MRE11: variants seen among roughly 807,000 people sequenced by gnomAD.
The protein encoded by MRE11 is double-strand break repair protein MRE11.
A neutral mutation model predicts 91.7 loss-of-function variants in MRE11; 62 were observed. The ratio of observed to expected loss-of-function variants is 0.68; its 90% confidence interval spans 0.55 to 0.84. The LOEUF (loss-of-function observed/expected upper bound fraction) is 0.84. MRE11 is among the 40% of genes least tolerant of loss of function. The pLI is 0.00. For missense variants in MRE11, 796 were observed against 852.9 expected, an observed-to-expected ratio of 0.93 and a Z score of 0.83; for synonymous variants, 273 against 271.4, an observed-to-expected ratio of 1.01 and a Z score of -0.06.
chr11:94,470,554 T>C lies in MRE11; in HGVS notation c.934A>G (p.Ile312Val), dbSNP rs1591692697. The change falls in exon 9 of 20, where the codon ATT becomes GTT. Residue 312 changes from isoleucine (I) to valine (V), a missense_variant. Physicochemically the swap from Ile to Val is conservative, Grantham distance 29. Coordinates refer to ENST00000323929, the MANE Select transcript of MRE11 (RefSeq NM_005591.4). ...HTVRQFFMED[I>V]VLANHPDIFN... ...ATGTCTGGATGATTAGCTAGAACAATATCCTCCATGAAAAACTGCCGCACT... is the reference window on the plus strand; with the variant it reads ...ATGTCTGGATGATTAGCTAGAACAACATCCTCCATGAAAAACTGCCGCACT... The C allele has an allele frequency of 6.2e-7, 1 of 1,613,192 alleles. No homozygotes were observed. Among genetic ancestry groups the C allele is most frequent in the Non-Finnish European group, 8.5e-7 (1 of 1,179,314 alleles).
At chr11:94,432,564 T>C (rs541744136) in intron 18 of MRE11, among the ~76,000 whole-genome samples, 2 of 152,108 alleles carry the variant, frequency 1.3e-5, no homozygotes, top group African/African-American at 2.4e-5. Flanking sequence ...ATCCCAGCAC[T>C]TGGGAGGCCG....
intron 18 of MRE11, among the ~76,000 whole-genome samples, chr11:94,434,083 T>A (rs1462351353): frequency 1.3e-5 from 2 of 152,196 alleles, no homozygotes; most frequent in African/African-American, 2.4e-5. Flanking sequence ...TACTGGCACG[T>A]CCCTTAGGTT....
At chr11:94,498,606 T>C (rs1292964763), upstream of MRE11, 18 of 1,304,214 alleles carry the variant, frequency 1.4e-5, no homozygotes, top group Admixed American at 2.3e-5. Flanking sequence ...ATAATCAAAG[T>C]TGACGTCAAA....
intron 16 of MRE11, among the ~76,000 whole-genome samples, chr11:94,439,446 T>C (rs905372211): frequency 6.6e-6 from 1 of 152,202 alleles, no homozygotes; most frequent in Admixed American, 6.5e-5. Context: ...AGACCAATGA[T>C]TCACATAATA....
At chr11:94,504,972 T>C in the MRE11 span, among the ~76,000 whole-genome samples, 1 of 152,174 alleles carries the variant, frequency 6.6e-6, no homozygotes. Flanking sequence ...AAGATTATAA[T>C]GGAGCTAAAA....
In MRE11 at chr11:94,420,091, G is replaced by C; in HGVS notation, c.*34C>G. On this transcript the variant is annotated 3_prime_UTR_variant, in exon 20 of 20. Coordinates refer to ENST00000323929, the MANE Select transcript of MRE11 (RefSeq NM_005591.4). ...AGCTTGTAACATTTTCATTTTTCCT[G>C]TATCTTGCATGTTTCTCAGTGCCAT... 1 of 1,488,466 alleles carries C rather than the reference G, an allele frequency of 6.7e-7. No individual in the cohort carries two copies. Among genetic ancestry groups the C allele is most frequent in the Non-Finnish European group, 9.3e-7 (1 of 1,072,454 alleles). 92.2% of individuals were successfully genotyped at this position (1,488,466 alleles called of 1,614,324 possible). A position where few individuals can be genotyped will look rare whatever the true frequency, so the allele number is the denominator to read the frequency against.
At position 94,479,764 on chromosome 11, in the gene MRE11, T is replaced by A. The variant is rs1565234627; in HGVS notation, c.315-3A>T. The A allele has an allele frequency of 7.7e-7, 1 of 1,304,452 alleles. No homozygotes were observed. The highest frequency in any genetic ancestry group is 1.1e-6 in the Non-Finnish European group (1 of 949,178). 80.8% of individuals were successfully genotyped at this position (1,304,452 alleles called of 1,614,324 possible). On this transcript the variant is annotated splice_polypyrimidine_tract_variant and splice_region_variant and intron_variant, in intron 4 of 19. Coordinates refer to ENST00000323929, the MANE Select transcript of MRE11 (RefSeq NM_005591.4). Reference sequence around the variant, plus strand: ...CTTGATAGTTCACCCATGGAAACCTTAAAAAAAAAAAGTTACTTAAAATTT... The same window carrying A: ...CTTGATAGTTCACCCATGGAAACCTAAAAAAAAAAAAGTTACTTAAAATTT...
intron 4 of MRE11, among the ~76,000 whole-genome samples, chr11:94,482,902 C>T (rs1324902462): frequency 6.6e-6 from 1 of 152,098 alleles, no homozygotes; most frequent in South Asian, 2.1e-4. Context: ...CGTGCCTCTG[C>T]ACTCCAGCTT....
At position 94,443,470 on chromosome 11, in the gene MRE11, T is replaced by C. The variant is rs555330770; in HGVS notation, c.1867+2340A>G. 3.5e-4 allele frequency among the ~76,000 whole-genome samples: 54 copies of C among 152,328 alleles called. No individual in the cohort carries two copies. In the South Asian group the frequency reaches 0.011, roughly 32 times the overall value. ...GCAGTTTCATAAATATTAGCTATTA[T>C]TGCTACTATTAGTGGTTTTATCAAC... On this transcript the variant is annotated intron_variant, in intron 16 of 19. Coordinates refer to ENST00000323929, the MANE Select transcript of MRE11 (RefSeq NM_005591.4).
At chr11:94,463,849 G>A (rs1159439548) in intron 11 of MRE11, among the ~76,000 whole-genome samples, 1 of 152,042 alleles carries the variant, frequency 6.6e-6, no homozygotes, top group Non-Finnish European at 1.5e-5. Flanking sequence ...GTTAATGGGT[G>A]CAGCACACCA....
rs201800515 is a variant in MRE11, at chr11:94,419,465, G to GGA, written c.*658_*659dup. On this transcript the variant is annotated 3_prime_UTR_variant, in exon 20 of 20. Transcript: ENST00000323929. ...GAAGAGTGGGGAACGGGGGGGAGAG[G>GGA]GAGAGAGAGAGAGAGAGAGAGAGAG... is the stretch of plus-strand genomic sequence containing the variant. 0.051 allele frequency: 11,030 copies of GGA among 215,474 alleles called. 176 individuals are homozygous for GGA. Among genetic ancestry groups the GGA allele is most frequent in the Non-Finnish European group, 0.06 (6,728 of 112,340 alleles). The allele number at this position is 215,474 out of a possible 1,614,324, so 13.3% of individuals were successfully genotyped here.
Position 94,460,973 on chromosome 11 carries a change from T to A in MRE11, c.1289A>T (p.Glu430Val), listed in dbSNP as rs876660954. ...KPSEGTTLRV[E>V]DLVKQYFQTA... The stretch of plus-strand genomic sequence containing the variant: ...TTGAAAGTACTGTTTTACAAGATCT[T>A]CTACCCTTAAAGTTGTTCCTTCTGA... Residue 430 changes from glutamate (E) to valine (V), a missense_variant, in exon 12 of 20, where the codon GAA (glutamate) becomes GTA (valine). Physicochemically the swap from Glu to Val is moderately radical, Grantham distance 121. Coordinates refer to ENST00000323929, the MANE Select transcript of MRE11 (RefSeq NM_005591.4). 1 of 1,613,896 alleles carries A rather than the reference T, an allele frequency of 6.2e-7. No individual in the cohort carries two copies. Among genetic ancestry groups the A allele is most frequent in the Non-Finnish European group, 8.5e-7 (1 of 1,179,966 alleles).
upstream of MRE11, chr11:94,496,652 C>T (rs1332813838): frequency 6.7e-7 from 1 of 1,488,748 alleles, no homozygotes; most frequent in Non-Finnish European, 9.0e-7. Flanking sequence ...AGATTTATAT[C>T]CTGGCATTTG....
rs7481185 is a variant in MRE11 at position 94,434,575 on chromosome 11, T to G, written c.1994+1257A>C. Among the ~76,000 whole-genome samples the G allele has an allele frequency of 2.2e-3, 336 of 152,220 alleles. 1 individual carries two copies. Among genetic ancestry groups the G allele is most frequent in the Non-Finnish European group, 4.2e-3 (284 of 68,016 alleles). On this transcript the variant is annotated intron_variant, in intron 18 of 19. Coordinates refer to ENST00000323929, the MANE Select transcript of MRE11 (RefSeq NM_005591.4). ...TCCTCAATCACCCTTCTTTCTGGAG[T>G]TCCTGCTCATGCCCTTATTCTCAGC...
Position 94,438,758 on chromosome 11 carries a change from T to G in MRE11, c.1868-1523A>C, listed in dbSNP as rs1945694416. Among the ~76,000 whole-genome samples the G allele has an allele frequency of 2.0e-5, 3 of 152,244 alleles. No individual in the cohort carries two copies. The South Asian group carries it at 6.2e-4, about 32-fold the overall frequency. ...TGGAGTTAGACTCATTTTGACTTAC[T>G]AGCTTGACTATGGCCAAGCTCCTTG... On this transcript the variant is annotated intron_variant, in intron 16 of 19. Transcript: ENST00000323929.
At position 94,479,882 on chromosome 11, in the gene MRE11, C is replaced by A. The variant is rs1946971099; in HGVS notation, c.315-121G>T. 5.2e-5 allele frequency: 38 copies of A among 732,698 alleles called. 1 individual carries two copies. The South Asian group carries it at 5.4e-4, about 10-fold the overall frequency. 45.4% of individuals were successfully genotyped at this position (732,698 alleles called of 1,614,324 possible). A position where few individuals can be genotyped will look rare whatever the true frequency, so the allele number is the denominator to read the frequency against. ...TGCATAATCTACATTGGCATATGACCACTAGTTTAGAGCTTTAAAAAATAA... is the reference window on the plus strand; with the variant it reads ...TGCATAATCTACATTGGCATATGACAACTAGTTTAGAGCTTTAAAAAATAA... On this transcript the variant is annotated intron_variant, in intron 4 of 19. Transcript: ENST00000323929.
chr11:94,476,190 C>G, intron 7 of MRE11, 99 bp downstream of exon 7: 1 of 750,920 alleles, frequency 1.3e-6, no homozygotes, highest in Admixed American at 2.1e-5. Flanking sequence ...CATTGACAAC[C>G]TTGAAAGATT....
intron 18 of MRE11, among the ~76,000 whole-genome samples, chr11:94,435,511 G>A (rs1041098351): frequency 5.9e-5 from 9 of 152,054 alleles, no homozygotes; most frequent in Admixed American, 3.9e-4. Flanking sequence ...AGCCAAGATC[G>A]CACTACTGCA....
chr11:94,472,933 G>A (rs377422055), intron 7 of MRE11: 3 of 152,186 alleles, frequency 2.0e-5, no homozygotes, highest in East Asian at 3.9e-4. Flanking sequence ...TTGTCAGTTA[G>A]TGATAGGTGC....
Sources: allele counts gnomAD v4.1 joint callset (sites outside exome capture counted in the v4.1 genomes callset), GRCh38; gene constraint gnomAD v4.1.1; transcripts MANE v1.5; gene names NCBI Gene and HGNC (gene_info 2026-07-23, HGNC 2026-07-21).